Variants in RIMBP2 observed in about 807,000 individuals in gnomAD.
RIMBP2 encodes the protein RIMS-binding protein 2.
Under a neutral mutation model 118.6 loss-of-function variants are expected in RIMBP2, and 48 were observed. The observed-to-expected ratio is 0.40, with a 90% CI of 0.32 to 0.51. The LOEUF (loss-of-function observed/expected upper bound fraction) is 0.51, where lower values mean the gene tolerates loss of function less well. Among genes scored for constraint, RIMBP2 ranks in the 20% least tolerant of loss-of-function variants. The pLI, the probability that RIMBP2 is intolerant of heterozygous loss-of-function variation, is 0.41. For synonymous variants in RIMBP2, 762 were observed against 742.9 expected (o/e 1.03, Z -0.42); for missense variants, 1,551 against 1,768.3 (o/e 0.88, Z 2.20).
chr12:130,524,950 G>T (rs569611403), intron 2 of RIMBP2, among the ~76,000 whole-genome samples: 1 of 152,206 alleles, frequency 6.6e-6, no homozygotes, highest in East Asian at 1.9e-4. Flanking sequence ...GGGGCTTGGT[G>T]AGTGTGAGAC....
chr12:130,596,533 G>A (rs951783448), intron 2 of RIMBP2, among the ~76,000 whole-genome samples: 8 of 152,178 alleles, frequency 5.3e-5, no homozygotes, highest in African/African-American at 4.8e-5. Context: ...CACTCACAAC[G>A]TAGGAAAACC....
At chr12:130,548,763 G>A (rs904463286) in intron 2 of RIMBP2, among the ~76,000 whole-genome samples, 4 of 151,360 alleles carry the variant, frequency 2.6e-5, no homozygotes, top group Admixed American at 1.3e-4. Context: ...TAGTAGAGAC[G>A]GGGTTTCACC....
intron 1 of RIMBP2, among the ~76,000 whole-genome samples, chr12:130,685,247 T>G (rs896583714): frequency 3.9e-5 from 6 of 152,202 alleles, no homozygotes; most frequent in Admixed American, 3.9e-4. Context: ...TTTTTACCTC[T>G]CCGTCTCCAG....
intron 20 of RIMBP2, 125 bp from the exon 21 acceptor site, chr12:130,406,368 C>G: frequency 1.6e-6 from 1 of 636,572 alleles, no homozygotes; most frequent in East Asian, 2.8e-5. Context: ...CTCTTTCAGT[C>G]AAATAAAGGT....
At chr12:130,463,974 ACT>A (rs1183335774) in intron 6 of RIMBP2, among the ~76,000 whole-genome samples, 1 of 151,688 alleles carries the variant, frequency 6.6e-6, no homozygotes, top group Non-Finnish European at 1.5e-5. Context: ...GCTAAAAGAC[ACT>A]CCCCTCAGCG....
intron 10 of RIMBP2, among the ~76,000 whole-genome samples, chr12:130,443,665 C>T (rs1163933168): frequency 1.3e-5 from 2 of 152,190 alleles, no homozygotes; most frequent in Non-Finnish European, 2.9e-5. Flanking sequence ...TCCAAACCTC[C>T]ACCTAGGGTG....
chr12:130,592,614 G>A (rs1286542096), intron 2 of RIMBP2, among the ~76,000 whole-genome samples: 1 of 151,792 alleles, frequency 6.6e-6, no homozygotes, highest in Non-Finnish European at 1.5e-5. Flanking sequence ...ACTTCAACCC[G>A]GACGGCAGAG....
intron 3 of RIMBP2, among the ~76,000 whole-genome samples, chr12:130,513,235 G>C (rs545591342): frequency 2.0e-5 from 3 of 152,204 alleles, no homozygotes; most frequent in Admixed American, 2.0e-4. Context: ...GATTCTCCAA[G>C]ACCTGCTCAC....
At chr12:130,588,971 A>G (rs1446051494) in intron 2 of RIMBP2, among the ~76,000 whole-genome samples, 2 of 152,218 alleles carry the variant, frequency 1.3e-5, no homozygotes, top group Non-Finnish European at 2.9e-5. Context: ...TTATGAAATT[A>G]ATCTCCTCCA....
chr12:130,446,025 C>CCT lies in RIMBP2; in HGVS notation c.582-757_582-756insAG, dbSNP rs893693591. Among the ~76,000 whole-genome samples, 5 of 149,772 alleles carry CCT rather than the reference C, an allele frequency of 3.3e-5. No homozygotes were observed. ...CAGACGCATGATTTTATGCTCCCCC[C>CCT]CCCCACACCCCCAGGAATATAAGAG... On this transcript the variant is annotated intron_variant, in intron 9 of 22. Transcript: ENST00000690449. This position sits in a 1 kb window ranked among gnomAD's most constrained non-coding sequence, Gnocchi z 4.1.
chr12:130,666,938 AAAG>A (rs146950866), intron 1 of RIMBP2, among the ~76,000 whole-genome samples: 270 of 98,060 alleles, frequency 2.8e-3, no homozygotes, highest in Middle Eastern at 0.021. Flanking sequence ...AAGAAGGAAA[AAAG>A]GGAGGGAGGA....
chr12:130,610,006 GC>G (rs2060414000), intron 2 of RIMBP2, among the ~76,000 whole-genome samples: 1 of 152,132 alleles, frequency 6.6e-6, no homozygotes, highest in Non-Finnish European at 1.5e-5. Flanking sequence ...CTCCAGAAAC[GC>G]CCTCACAGGC....
At chr12:130,455,033 T>A (rs1046149219) in intron 7 of RIMBP2, among the ~76,000 whole-genome samples, 1 of 152,230 alleles carries the variant, frequency 6.6e-6, no homozygotes, top group Non-Finnish European at 1.5e-5. Context: ...GGAGCTTCGG[T>A]GGGCACGGTG....
At chr12:130,463,524 T>A (rs771215841) in intron 6 of RIMBP2, among the ~76,000 whole-genome samples, 26 of 152,092 alleles carry the variant, frequency 1.7e-4, no homozygotes, top group Non-Finnish European at 3.5e-4. Flanking sequence ...CTCAGTGCCC[T>A]CCTCTGGCTT....
intron 1 of RIMBP2, among the ~76,000 whole-genome samples, chr12:130,711,693 AC>A (rs1356395739): frequency 6.6e-6 from 1 of 152,228 alleles, no homozygotes; most frequent in Non-Finnish European, 1.5e-5. Context: ...CTTTTCAGGG[AC>A]CCACCTCATA....
intron 2 of RIMBP2, among the ~76,000 whole-genome samples, chr12:130,542,067 A>T (rs543500916): frequency 1.3e-5 from 2 of 150,534 alleles, no homozygotes; most frequent in African/African-American, 4.8e-5. Context: ...TAGAACTCAC[A>T]TCCTTATTGG....
At chr12:130,415,750 TAAG>T (rs1219226959) in intron 17 of RIMBP2, among the ~76,000 whole-genome samples, 2 of 151,542 alleles carry the variant, frequency 1.3e-5, no homozygotes, top group African/African-American at 2.4e-5. Context: ...ATATAGGAAA[TAAG>T]AAGTCAAATT....
At chr12:130,686,865 G>A (rs753889363) in intron 1 of RIMBP2, among the ~76,000 whole-genome samples, 5 of 152,200 alleles carry the variant, frequency 3.3e-5, no homozygotes, top group African/African-American at 4.8e-5. Flanking sequence ...GGAAGAGGCC[G>A]CTACGAGCCC....
rs2078611673 is a variant in RIMBP2, at chr12:130,447,309, G to T, written c.582-2040C>A. ...CGGAGAAGAAGTGGGAGATCCTACG[G>T]CTGTCGTGACAACCTCGTCGGTGCT... is the stretch of plus-strand genomic sequence containing the variant. On this transcript the variant is annotated intron_variant, in intron 9 of 22. Coordinates refer to ENST00000690449, the MANE Select transcript of RIMBP2 (RefSeq NM_001393629.1). This position sits in a 1 kb window ranked among gnomAD's most constrained non-coding sequence, Gnocchi z 4.4. 6.6e-6 allele frequency among the ~76,000 whole-genome samples: 1 copy of T among 151,760 alleles called. No individual in the cohort carries two copies. Among genetic ancestry groups the T allele is most frequent in the African/African-American group, 2.4e-5 (1 of 41,288 alleles).
Sources: gnomAD v4.1 joint callset for allele counts (sites outside exome capture counted in the v4.1 genomes callset) on GRCh38, gnomAD v4.1.1 for gene constraint, Gnocchi (gnomAD v3.1) non-coding constraint, MANE v1.5 for transcripts, NCBI Gene and HGNC (gene_info 2026-07-23, HGNC 2026-07-21) for gene names.